DCBLD2: variants seen among roughly 807,000 people sequenced by gnomAD.
DCBLD2 encodes the protein discoidin, CUB and LCCL domain-containing protein 2.
In DCBLD2, 54 loss-of-function variants were observed where a neutral mutation model predicts 86.8. That is an observed-to-expected ratio of 0.62 (90% CI 0.50 to 0.78). The LOEUF is 0.78. Ranked by LOEUF, DCBLD2 falls within the 30% of genes least tolerant of loss-of-function variation. The pLI is 0.00. For synonymous variants in DCBLD2, 354 were observed against 341.3 expected (o/e 1.04, Z -0.41); for missense variants, 908 against 954.2 (o/e 0.95, Z 0.64).
At chr3:98,881,801 C>A (rs1310908180) in intron 1 of DCBLD2, 34 bp from the exon 2 acceptor site, 2 of 1,569,068 alleles carry the variant, frequency 1.3e-6, no homozygotes, top group African/African-American at 1.4e-5. Context: ...ATAAATTATT[C>A]TCACATATTT....
intron 2 of DCBLD2, among the ~76,000 whole-genome samples, chr3:98,865,817 G>A (rs1026921950): frequency 1.1e-4 from 17 of 151,666 alleles, no homozygotes; most frequent in Non-Finnish European, 2.4e-4. Context: ...CCATTAACTC[G>A]TCATTTACAT....
chr3:98,868,599 T>A (rs952231569), intron 2 of DCBLD2, among the ~76,000 whole-genome samples: 2 of 152,130 alleles, frequency 1.3e-5, no homozygotes, highest in African/African-American at 2.4e-5. Context: ...GATTTTTTAA[T>A]CCCTTACCAC....
intron 3 of DCBLD2, among the ~76,000 whole-genome samples, chr3:98,838,662 T>C (rs946640055): frequency 2.6e-5 from 4 of 152,076 alleles, no homozygotes; most frequent in Admixed American, 6.5e-5. Context: ...GGGCAGAGGC[T>C]GCAATCTCGG....
intron 3 of DCBLD2, among the ~76,000 whole-genome samples, chr3:98,841,897 C>T (rs1942628219): frequency 6.6e-6 from 1 of 151,868 alleles, no homozygotes; most frequent in Admixed American, 6.6e-5. Context: ...CCCGTCTCTA[C>T]CAAAAAAAAT....
At chr3:98,863,379 G>A (rs1188391527) in intron 2 of DCBLD2, among the ~76,000 whole-genome samples, 2 of 151,988 alleles carry the variant, frequency 1.3e-5, no homozygotes, top group African/African-American at 4.8e-5. Context: ...AGTTCATATG[G>A]AACCAAAAAA....
intron 2 of DCBLD2, among the ~76,000 whole-genome samples, chr3:98,852,776 C>G (rs920914913): frequency 1.3e-5 from 2 of 152,180 alleles, no homozygotes; most frequent in Admixed American, 6.5e-5. Context: ...AGGGCCATTG[C>G]AAGTCACCTC....
chr3:98,845,480 A>G (rs138012921), intron 3 of DCBLD2, among the ~76,000 whole-genome samples: 119 of 152,332 alleles, frequency 7.8e-4, no homozygotes, highest in Non-Finnish European at 1.4e-3. Flanking sequence ...AGTTACATTT[A>G]TAACGAGACC....
intron 3 of DCBLD2, among the ~76,000 whole-genome samples, chr3:98,834,551 T>C (rs1426192569): frequency 5.3e-5 from 8 of 152,186 alleles, no homozygotes; most frequent in Non-Finnish European, 1.0e-4. Flanking sequence ...GAACATGTGA[T>C]ATTTGCTTAT....
At chr3:98,873,765 C>T (rs1271031134) in intron 2 of DCBLD2, among the ~76,000 whole-genome samples, 3 of 151,428 alleles carry the variant, frequency 2.0e-5, no homozygotes, top group Non-Finnish European at 4.4e-5. Flanking sequence ...ATAATGTAGA[C>T]AACAGAAAAA....
chr3:98,890,766 G>A (rs912804296), intron 1 of DCBLD2, among the ~76,000 whole-genome samples: 1 of 151,928 alleles, frequency 6.6e-6, no homozygotes, highest in African/African-American at 2.4e-5. Flanking sequence ...TTAACTGTAT[G>A]TAACCTTGTT....
At chr3:98,835,040 T>C (rs1942407369) in intron 3 of DCBLD2, among the ~76,000 whole-genome samples, 1 of 149,144 alleles carries the variant, frequency 6.7e-6, no homozygotes. Flanking sequence ...TGGCCCTATC[T>C]TGGCTCACTG....
At chr3:98,864,698 C>T (rs1057368850) in intron 2 of DCBLD2, among the ~76,000 whole-genome samples, 3 of 151,698 alleles carry the variant, frequency 2.0e-5, no homozygotes, top group Non-Finnish European at 4.4e-5. Flanking sequence ...ACTCTGGGGC[C>T]TGTTGTGGGG....
chr3:98,803,710 A>T (rs1328151841), intron 13 of DCBLD2, among the ~76,000 whole-genome samples: 5 of 152,106 alleles, frequency 3.3e-5, no homozygotes, highest in African/African-American at 1.2e-4. Flanking sequence ...TTATTTTGGG[A>T]TACGTCCCAT....
chr3:98,878,302 A>T (rs544961252), intron 2 of DCBLD2, among the ~76,000 whole-genome samples: 10 of 152,302 alleles, frequency 6.6e-5, no homozygotes, highest in African/African-American at 2.4e-4. Flanking sequence ...ATACACTGAG[A>T]ACAGCGCATC....
At chr3:98,817,930 G>T in intron 8 of DCBLD2, 37 bp from the exon 9 acceptor site, 2 of 1,605,302 alleles carry the variant, frequency 1.2e-6, no homozygotes, top group Middle Eastern at 1.7e-4. Context: ...AATGCACATG[G>T]TCTGATTCCC....
intron 1 of DCBLD2, among the ~76,000 whole-genome samples, chr3:98,886,050 T>G (rs1943556344): frequency 6.6e-6 from 1 of 151,934 alleles, no homozygotes; most frequent in Non-Finnish European, 1.5e-5. Flanking sequence ...AAAAAAGATC[T>G]GGTTTAGCTC....
At chr3:98,855,739 G>A (rs2107491134) in intron 2 of DCBLD2, among the ~76,000 whole-genome samples, 1 of 152,184 alleles carries the variant, frequency 6.6e-6, no homozygotes, top group Middle Eastern at 3.4e-3. Context: ...CATTCAGATG[G>A]GCTGAAATAT....
intron 3 of DCBLD2, 136 bp from the exon 4 acceptor site, chr3:98,825,502 A>C (rs1942198752): frequency 4.5e-6 from 3 of 663,774 alleles, no homozygotes; most frequent in African/African-American, 1.9e-5. Flanking sequence ...GTGGTACTAA[A>C]AACTTTGCCA....
chr3:98,815,030 G>A lies in DCBLD2; in HGVS notation c.1213-2548C>T, dbSNP rs376668670. ...GGTCTCACTGAGTTGCAGAGACAGA[G>A]CTGAGAGTGGGAGGCCAATAAGGTA... On this transcript the variant is annotated intron_variant, in intron 9 of 15. Coordinates refer to ENST00000326840, the MANE Select transcript of DCBLD2 (RefSeq NM_080927.4). The A allele has an allele frequency of 3.3e-5, 5 of 152,348 alleles. No individual in the cohort carries two copies. The East Asian group carries it at 5.8e-4, about 18-fold the overall frequency. The allele number at this position is 152,348 out of a possible 1,614,324, so 9.4% of individuals were successfully genotyped here.
Sources: gnomAD v4.1 joint callset for allele counts (sites outside exome capture counted in the v4.1 genomes callset) on GRCh38, gnomAD v4.1.1 for gene constraint, MANE v1.5 for transcripts, NCBI Gene and HGNC (gene_info 2026-07-23, HGNC 2026-07-21) for gene names.